The following ARHGEF9 variants were observed in gnomAD, a reference collection of about 807,000 sequenced individuals.
ARHGEF9 encodes the protein Cdc42 guanine nucleotide exchange factor 9, also known as rho guanine nucleotide exchange factor 9.
ARHGEF9 carries 2 observed loss-of-function variants against 41.3 expected under a neutral mutation model. The observed-to-expected ratio is 0.05, with a 90% CI of 0.02 to 0.15. The LOEUF (loss-of-function observed/expected upper bound fraction) is 0.15, where lower values mean the gene tolerates loss of function less well. Among genes scored for constraint, ARHGEF9 ranks in the 10% least tolerant of loss-of-function variants. The pLI, the probability that ARHGEF9 is intolerant of heterozygous loss-of-function variation, is 1.00. For synonymous variants in ARHGEF9, 160 were observed against 154.4 expected, an observed-to-expected ratio of 1.04 and a Z score of -0.27; for missense variants, 225 against 424.7, an observed-to-expected ratio of 0.53 and a Z score of 4.13.
At chrX:63,739,439 A>T (rs2054818461) in intron 1 of ARHGEF9, among the ~76,000 whole-genome samples, 1 of 111,483 alleles carries the variant, frequency 9.0e-6, no homozygotes, top group Non-Finnish European at 1.9e-5. Context: ...AACCCCCTGT[A>T]CTGCTTGTCA....
intron 8 of ARHGEF9, among the ~76,000 whole-genome samples, chrX:63,644,837 C>T (rs1556310937): frequency 9.3e-6 from 1 of 107,759 alleles, no homozygotes; most frequent in Non-Finnish European, 1.9e-5. Flanking sequence ...ATGATCATGG[C>T]TCACTGCAGC....
At chrX:63,783,275 T>A (rs1363543398) in intron 1 of ARHGEF9, among the ~76,000 whole-genome samples, 1 of 91,845 alleles carries the variant, frequency 1.1e-5, no homozygotes, top group Admixed American at 1.1e-4. Context: ...TTCGGGTAAT[T>A]TTTTTTTTTT....
chrX:63,743,911 A>AAAC (rs1213483578), intron 1 of ARHGEF9, among the ~76,000 whole-genome samples: 1 of 112,114 alleles, frequency 8.9e-6, no homozygotes, highest in African/African-American at 3.3e-5. Flanking sequence ...GCTTATTTAA[A>AAAC]AACAACAACA....
At chrX:63,756,169 T>TAG (rs1371477953) in intron 1 of ARHGEF9, among the ~76,000 whole-genome samples, 1 of 111,874 alleles carries the variant, frequency 8.9e-6, no homozygotes, top group African/African-American at 3.3e-5. Context: ...GACTTAGACT[T>TAG]ATCTGAGAAT....
intron 4 of ARHGEF9, among the ~76,000 whole-genome samples, chrX:63,679,762 G>A (rs2050496258): frequency 8.9e-6 from 1 of 111,908 alleles, no homozygotes. Context: ...TTGAATGCTT[G>A]CCCCTAAGAT....
chrX:63,670,646 C>T (rs1370747931), intron 6 of ARHGEF9, among the ~76,000 whole-genome samples: 1 of 111,806 alleles, frequency 8.9e-6, no homozygotes. Context: ...AACCAAACCT[C>T]AGCATCATGG....
chrX:63,697,712 A>G (rs2051850418), intron 3 of ARHGEF9, among the ~76,000 whole-genome samples: 1 of 111,951 alleles, frequency 8.9e-6, no homozygotes, highest in African/African-American at 3.2e-5. Context: ...TTGACAAAAA[A>G]TTGGGAACAG....
At chrX:63,765,426 G>A (rs2056098292) in intron 1 of ARHGEF9, among the ~76,000 whole-genome samples, 2 of 110,753 alleles carry the variant, frequency 1.8e-5, no homozygotes, top group South Asian at 3.9e-4. Context: ...TTAAGCAGGA[G>A]CACCAACTCT....
chrX:63,778,136 C>T (rs782148868), intron 1 of ARHGEF9, among the ~76,000 whole-genome samples: 1 of 112,739 alleles, frequency 8.9e-6, no homozygotes, highest in Non-Finnish European at 1.9e-5. Context: ...GACATCCAGG[C>T]ATTTCCATAC....
intron 2 of ARHGEF9, chrX:63,715,858 G>C (rs1377792620): frequency 3.6e-5 from 4 of 112,221 alleles, no homozygotes; most frequent in African/African-American, 1.3e-4. Context: ...AATGGGTATG[G>C]AGTTCTTTTT....
At chrX:63,676,624 G>A (rs2050275940) in intron 5 of ARHGEF9, among the ~76,000 whole-genome samples, 1 of 111,634 alleles carries the variant, frequency 9.0e-6, no homozygotes, top group Non-Finnish European at 1.9e-5. Flanking sequence ...GTGACAGAAG[G>A]GAAGATTGCA....
At chrX:63,706,800 T>C (rs1477462609) in intron 2 of ARHGEF9, among the ~76,000 whole-genome samples, 7 of 112,273 alleles carry the variant, frequency 6.2e-5, no homozygotes, top group Non-Finnish European at 1.3e-4. Context: ...CACCTGCAAG[T>C]ATAGAGGCCA....
chrX:63,684,839 G>C (rs1439266337), intron 4 of ARHGEF9, among the ~76,000 whole-genome samples: 2 of 109,609 alleles, frequency 1.8e-5, no homozygotes, highest in Admixed American at 9.8e-5. Flanking sequence ...GAGGAACCTA[G>C]AGGACATTAT....
intron 4 of ARHGEF9, among the ~76,000 whole-genome samples, chrX:63,696,562 T>C (rs1481725294): frequency 8.9e-6 from 1 of 112,213 alleles, no homozygotes; most frequent in Non-Finnish European, 1.9e-5. Context: ...TCCAGTGCCC[T>C]TCCCATAAAT....
At chrX:63,747,303 CTT>C (rs1209657290) in intron 1 of ARHGEF9, among the ~76,000 whole-genome samples, 2 of 110,575 alleles carry the variant, frequency 1.8e-5, no homozygotes, top group African/African-American at 6.6e-5. Context: ...TAGGAACTGA[CTT>C]TTTTTTTATT....
In ARHGEF9 at chrX:63,716,359, C is replaced by T. The variant is rs781958812; in HGVS notation, c.210+8173G>A. On this transcript the variant is annotated intron_variant, in intron 2 of 9. Coordinates refer to ENST00000671741, the MANE Select transcript of ARHGEF9 (RefSeq NM_001353921.2). ...AAAAGTTCTTGGAGTATATCTGTTC[C>T]AACCCCTCCATCTTTCAGGGGAGAA... Among the ~76,000 whole-genome samples the T allele has an allele frequency of 2.5e-3, 274 of 110,432 alleles. 2 individuals carry two copies. Among genetic ancestry groups the T allele is most frequent in the Non-Finnish European group, 4.3e-3 (229 of 52,769 alleles).
intron 4 of ARHGEF9, among the ~76,000 whole-genome samples, chrX:63,685,697 C>T (rs1556374829): frequency 1.8e-5 from 2 of 111,361 alleles, no homozygotes; most frequent in Non-Finnish European, 3.8e-5. Context: ...GACAAAGGTG[C>T]CCAGGCAATT....
At position 63,678,390 on chromosome X, in the gene ARHGEF9, C is replaced by T. The variant is rs1206600938; in HGVS notation, c.765G>A (p.Lys255=). 2 of 1,205,950 alleles carry T rather than the reference C, an allele frequency of 1.7e-6. No individual in the cohort carries two copies. The highest frequency in any genetic ancestry group is 3.0e-5 in the East Asian group (1 of 33,662). ...FLLTPVQKIC[K]YPLQLAELLK... is the part of the protein sequence containing the mutation. ...GGAGCTCAGCCAACTGTAAGGGATA[C>T]TTGCAGATCTTCTGCACTGGAGTCA... The change falls in exon 5 of 10, where the codon AAG becomes AAA. Residue 255 remains lysine, a synonymous_variant. Coordinates refer to ENST00000671741, the MANE Select transcript of ARHGEF9 (RefSeq NM_001353921.2).
Position 63,650,513 on chromosome X carries a change from G to T in ARHGEF9, c.1321+4981C>A, listed in dbSNP as rs191380438. Among the ~76,000 whole-genome samples, 8 of 111,176 alleles carry T rather than the reference G, an allele frequency of 7.2e-5. No individual in the cohort carries two copies. The East Asian group carries it at 2.0e-3, about 28-fold the overall frequency. On this transcript the variant is annotated intron_variant, in intron 8 of 9. Transcript: ENST00000671741. Reference sequence around the variant, plus strand: ...CAGTGGCTCAGAAAGAAAGGCTCAGGTCAATGGAGAGGGGCTGGTTAATAG... The same window carrying T: ...CAGTGGCTCAGAAAGAAAGGCTCAGTTCAATGGAGAGGGGCTGGTTAATAG...
Sources: gnomAD v4.1 joint callset for allele counts (sites outside exome capture counted in the v4.1 genomes callset) on GRCh38, gnomAD v4.1.1 for gene constraint, MANE v1.5 for transcripts, NCBI Gene and HGNC (gene_info 2026-07-23, HGNC 2026-07-21) for gene names.